The following CRMP1 variants were observed in gnomAD, a reference collection of about 807,000 sequenced individuals.
CRMP1 encodes the protein collapsin response mediator protein 1.
CRMP1 carries 19 observed loss-of-function variants against 68.3 expected under a neutral mutation model. That is an observed-to-expected ratio of 0.28 (90% confidence interval 0.19 to 0.41). The LOEUF (loss-of-function observed/expected upper bound fraction) is 0.41. Among genes scored for constraint, CRMP1 ranks in the 10% least tolerant of loss-of-function variants. CRMP1 has a pLI of 1.00. For missense variants in CRMP1, 791 were observed against 967.4 expected (o/e 0.82, Z 2.42); for synonymous variants, 439 against 399.6 (o/e 1.10, Z -1.18).
Position 5,866,820 on chromosome 4 carries a change from T to A in CRMP1, c.382-64A>T, listed in dbSNP as rs888539653. ...AAGCCAGGATAAAGTTTTTTCTTTT[T>A]AATTTTTAATATAAGAATTATCAAA... is the stretch of plus-strand genomic sequence containing the variant. On this transcript the variant is annotated intron_variant, in intron 1 of 13. Coordinates refer to ENST00000324989, the MANE Select transcript of CRMP1 (RefSeq NM_001014809.3). This position sits in a 1 kb window ranked among gnomAD's most constrained non-coding sequence, Gnocchi z 5.9. The A allele has an allele frequency of 8.9e-7, 1 of 1,117,584 alleles. No homozygotes were observed. The highest frequency in any genetic ancestry group is 1.3e-6 in the Non-Finnish European group (1 of 788,194). The allele number at this position is 1,117,584 out of a possible 1,614,324, so 69.2% of individuals were successfully genotyped here. A position where few individuals can be genotyped will look rare whatever the true frequency, so the allele number is the denominator to read the frequency against.
Position 5,843,021 on chromosome 4 carries a change from C to T in CRMP1, c.1032+72G>A. The T allele has an allele frequency of 6.8e-7, 1 of 1,470,696 alleles. No homozygotes were observed. Among genetic ancestry groups the T allele is most frequent in the Non-Finnish European group, 9.5e-7 (1 of 1,053,260 alleles). 91.1% of individuals were successfully genotyped at this position (1,470,696 alleles called of 1,614,324 possible). ...AGGCCGGGTCCTGGCTGGGCTACTCCAGCTGGAACAGCATCAAGGTGAGTG... is the reference window on the plus strand; with the variant it reads ...AGGCCGGGTCCTGGCTGGGCTACTCTAGCTGGAACAGCATCAAGGTGAGTG... On this transcript the variant is annotated intron_variant, in intron 7 of 13. Coordinates refer to ENST00000324989, the MANE Select transcript of CRMP1 (RefSeq NM_001014809.3). The surrounding 1 kb of genome is among the most constrained non-coding windows in gnomAD (Gnocchi z 4.1).
chr4:5,853,297 A>C lies in CRMP1; in HGVS notation c.821-1828T>G, dbSNP rs910693565. Reference sequence around the variant, plus strand: ...GTGTGGTGGCAGGTGCCTGTAATCCAAGCTACTTGGGAGGCTGAGGGGGAA... The same window carrying C: ...GTGTGGTGGCAGGTGCCTGTAATCCCAGCTACTTGGGAGGCTGAGGGGGAA... On this transcript the variant is annotated intron_variant, in intron 4 of 13. Coordinates refer to ENST00000324989, the MANE Select transcript of CRMP1 (RefSeq NM_001014809.3). The surrounding 1 kb of genome is among the most constrained non-coding windows in gnomAD (Gnocchi z 4.7). Among the ~76,000 whole-genome samples the C allele has an allele frequency of 1.3e-4, 20 of 152,080 alleles. No individual in the cohort carries two copies. Among genetic ancestry groups the C allele is most frequent in the Non-Finnish European group, 2.6e-4 (18 of 68,002 alleles).
intron 13 of CRMP1, chr4:5,824,406 C>A (rs75327619): frequency 5.1e-6 from 5 of 985,304 alleles, no homozygotes; most frequent in Non-Finnish European, 6.0e-6. Flanking sequence ...CATGCCTCCT[C>A]GGCATAATCA....
Position 5,842,289 on chromosome 4 carries a change from G to A in CRMP1, c.1032+804C>T, listed in dbSNP as rs1461668065. ...AAACACAAATTAGCCAGGCGTGGTG[G>A]CACAGGCCTGTGCCTAGTGCTCCTA... is the stretch of plus-strand genomic sequence containing the variant. On this transcript the variant is annotated intron_variant, in intron 7 of 13. Transcript: ENST00000324989. The surrounding 1 kb of genome is among the most constrained non-coding windows in gnomAD (Gnocchi z 4.5). Among the ~76,000 whole-genome samples the A allele has an allele frequency of 1.3e-5, 2 of 151,332 alleles. No homozygotes were observed. The highest frequency in any genetic ancestry group is 3.0e-5 in the Non-Finnish European group (2 of 67,784).
chr4:5,889,799 A>AG lies in CRMP1; in HGVS notation c.381+2789dup, dbSNP rs1715857150. ...CTGGGGCCCTGACCTTCACCACCCC[A>AG]GGGGCCAGTCCCCTAATCCAGGGCA... On this transcript the variant is annotated intron_variant, in intron 1 of 13. Coordinates refer to ENST00000324989, the MANE Select transcript of CRMP1 (RefSeq NM_001014809.3). This position sits in a 1 kb window ranked among gnomAD's most constrained non-coding sequence, Gnocchi z 4.5. 1 of 1,521,786 alleles carries AG rather than the reference A, an allele frequency of 6.6e-7. No homozygotes were observed. Among genetic ancestry groups the AG allele is most frequent in the Non-Finnish European group, 8.8e-7 (1 of 1,138,004 alleles). The allele number at this position is 1,521,786 out of a possible 1,614,324, so 94.3% of individuals were successfully genotyped here.
chr4:5,864,365 C>G (rs1713825162), intron 2 of CRMP1, among the ~76,000 whole-genome samples: 1 of 152,208 alleles, frequency 6.6e-6, no homozygotes, highest in Non-Finnish European at 1.5e-5. Flanking sequence ...GTTGCTTTCT[C>G]TCTATCTAAG....
Position 5,860,607 on chromosome 4 carries a change from C to T in CRMP1, c.655+419G>A, listed in dbSNP as rs1713473007. On this transcript the variant is annotated intron_variant, in intron 3 of 13. Coordinates refer to ENST00000324989, the MANE Select transcript of CRMP1 (RefSeq NM_001014809.3). The surrounding 1 kb of genome is among the most constrained non-coding windows in gnomAD (Gnocchi z 4.2). ...ATGTCACTGGTTCTGAAACCATAGC[C>T]ATCTTCACATCATGTTGAAGGATTT... Among the ~76,000 whole-genome samples the T allele has an allele frequency of 6.7e-6, 1 of 149,592 alleles. No individual in the cohort carries two copies. Among genetic ancestry groups the T allele is most frequent in the East Asian group, 2.0e-4 (1 of 4,948 alleles).
rs771086650 is a variant in CRMP1, at chr4:5,821,765, C to T, written c.2056G>A (p.Gly686Ser). The stretch of plus-strand genomic sequence containing the variant: ...GCTCCTCCGCGCATCCACGTTCAAC[C>T]GAGGCTGGTGATGTTGGAGCGGCCA... ...PGGRSNITSL[G>S] is the part of the protein sequence containing the mutation. The change falls in exon 14 of 14, where the codon GGT (glycine) becomes AGT (serine). Residue 686 changes from glycine to serine, a missense_variant. Gly to Ser is a moderately conservative substitution (Grantham distance 56). Coordinates refer to ENST00000324989, the MANE Select transcript of CRMP1 (RefSeq NM_001014809.3). The surrounding 1 kb of genome is among the most constrained non-coding windows in gnomAD (Gnocchi z 4.4). 1 of 1,609,186 alleles carries T rather than the reference C, an allele frequency of 6.2e-7. No individual in the cohort carries two copies. Among genetic ancestry groups the T allele is most frequent in the South Asian group, 1.1e-5 (1 of 90,024 alleles).
At chr4:5,831,188 C>T (rs1430127307) in intron 11 of CRMP1, among the ~76,000 whole-genome samples, 2 of 152,080 alleles carry the variant, frequency 1.3e-5, no homozygotes, top group Non-Finnish European at 2.9e-5. Flanking sequence ...AGCCTCAAGT[C>T]CCCCTACCTG....
chr4:5,824,400 C>T, intron 13 of CRMP1: 1 of 985,312 alleles, frequency 1.0e-6, no homozygotes, highest in Middle Eastern at 5.2e-4. Context: ...TTGATTCATG[C>T]CTCCTCGGCA....
rs866381884 is a variant in CRMP1 at position 5,866,073 on chromosome 4, C to A, written c.470+595G>T. On this transcript the variant is annotated intron_variant, in intron 2 of 13. Transcript: ENST00000324989. The surrounding 1 kb of genome is among the most constrained non-coding windows in gnomAD (Gnocchi z 5.9). ...CCACCCAGCCTGTGGCATTCCATTC[C>A]GGCAGCCAGCGCTGGCTAAGACACC... Among the ~76,000 whole-genome samples, 1 of 152,152 alleles carries A rather than the reference C, an allele frequency of 6.6e-6. No homozygotes were observed.
Position 5,888,855 on chromosome 4 carries a change from G to A in CRMP1, c.381+3734C>T, listed in dbSNP as rs936527828. On this transcript the variant is annotated intron_variant, in intron 1 of 13. Coordinates refer to ENST00000324989, the MANE Select transcript of CRMP1 (RefSeq NM_001014809.3). The surrounding 1 kb of genome is among the most constrained non-coding windows in gnomAD (Gnocchi z 6.4). ...GTGGGGGGAGGGAGTGTGGGACGGG[G>A]GCCAAGGATCGGCCCAAGCTGCTGG... 1.4e-4 allele frequency among the ~76,000 whole-genome samples: 21 copies of A among 151,868 alleles called. No individual in the cohort carries two copies. Among genetic ancestry groups the A allele is most frequent in the Admixed American group, 8.5e-4 (13 of 15,264 alleles).
chr4:5,828,800 T>G (rs545927951), intron 11 of CRMP1, 132 bp from the exon 12 acceptor site: 2 of 1,111,770 alleles, frequency 1.8e-6, no homozygotes, highest in Admixed American at 2.8e-5. Context: ...AAAATACCTT[T>G]TATTGACTGT....
intron 4 of CRMP1, 106 bp downstream of exon 4, chr4:5,856,037 A>T: frequency 7.5e-7 from 1 of 1,330,712 alleles, no homozygotes; most frequent in Non-Finnish European, 1.0e-6. Flanking sequence ...GCTCATAATC[A>T]GGCTCAGAAC....
chr4:5,876,746 C>A (rs1453263753), intron 1 of CRMP1, among the ~76,000 whole-genome samples: 1 of 150,522 alleles, frequency 6.6e-6, no homozygotes, highest in African/African-American at 2.5e-5. Flanking sequence ...CCCCCCACCA[C>A]CCCCCTTCTG....
Position 5,888,107 on chromosome 4 carries a change from C to A in CRMP1, c.381+4482G>T. On this transcript the variant is annotated intron_variant, in intron 1 of 13. Transcript: ENST00000324989. The surrounding 1 kb of genome is among the most constrained non-coding windows in gnomAD (Gnocchi z 6.4). ...CCCGAGACCGGCCCCGCCCCACCCG[C>A]GGCGACGCAGGAGGCCTCGGGGGGC... is the stretch of plus-strand genomic sequence containing the variant. The A allele has an allele frequency of 8.8e-7, 1 of 1,138,844 alleles. No individual in the cohort carries two copies. The highest frequency in any genetic ancestry group is 1.6e-5 in the African/African-American group (1 of 62,278). The allele number at this position is 1,138,844 out of a possible 1,614,324, so 70.5% of individuals were successfully genotyped here.
intron 12 of CRMP1, 29 bp downstream of exon 12, chr4:5,828,460 T>G (rs1190567543): frequency 4.4e-6 from 7 of 1,604,108 alleles, no homozygotes; most frequent in Non-Finnish European, 6.0e-6. Flanking sequence ...GTCCCACGGG[T>G]GGGCCCGCTC....
In CRMP1 at chr4:5,866,568, G is replaced by T. The variant is rs1024418342; in HGVS notation, c.470+100C>A. On this transcript the variant is annotated intron_variant, in intron 2 of 13. Coordinates refer to ENST00000324989, the MANE Select transcript of CRMP1 (RefSeq NM_001014809.3). The surrounding 1 kb of genome is among the most constrained non-coding windows in gnomAD (Gnocchi z 5.9). ...TCTACCCCTGAAACACAGGTACACAGCCCCGTCATTCTAGGACAGAATGCC... is the reference window on the plus strand; with the variant it reads ...TCTACCCCTGAAACACAGGTACACATCCCCGTCATTCTAGGACAGAATGCC... 43 of 818,558 alleles carry T rather than the reference G, an allele frequency of 5.3e-5. No homozygotes were observed. The African/African-American group carries it at 6.9e-4, about 13-fold the overall frequency. 50.7% of individuals were successfully genotyped at this position (818,558 alleles called of 1,614,324 possible). A position where few individuals can be genotyped will look rare whatever the true frequency, so the allele number is the denominator to read the frequency against.
At chr4:5,869,681 CAAAAAAAA>C (rs33973891) in intron 1 of CRMP1, among the ~76,000 whole-genome samples, 77 of 92,920 alleles carry the variant, frequency 8.3e-4, no homozygotes, top group African/African-American at 2.7e-3. Flanking sequence ...AAGACTCCGT[CAAAAAAAA>C]AAAAAAAAAA....
Sources: allele counts gnomAD v4.1 joint callset (sites outside exome capture counted in the v4.1 genomes callset), GRCh38; gene constraint gnomAD v4.1.1; non-coding constraint Gnocchi (gnomAD v3.1); transcripts MANE v1.5; gene names NCBI Gene and HGNC (gene_info 2026-07-23, HGNC 2026-07-21).